CLSTN2: variants seen among roughly 807,000 people sequenced by gnomAD.
The protein encoded by CLSTN2 is calsyntenin 2.
A neutral mutation model predicts 101.2 loss-of-function variants in CLSTN2; 48 were observed. That is an observed-to-expected ratio of 0.47 (90% confidence interval 0.38 to 0.60). CLSTN2 has a LOEUF of 0.60. Ranked by LOEUF, CLSTN2 falls within the 20% of genes least tolerant of loss-of-function variation. The probability of loss-of-function intolerance (pLI) is 0.00; values close to 1 mark genes in which losing one functional copy is unlikely to be tolerated. For synonymous variants in CLSTN2, 481 were observed against 463.6 expected (o/e 1.04, Z -0.48); for missense variants, 1,160 against 1,238.2 (o/e 0.94, Z 0.95).
At chr3:140,160,826 G>A (rs1046688453) in intron 1 of CLSTN2, among the ~76,000 whole-genome samples, 11 of 152,046 alleles carry the variant, frequency 7.2e-5, no homozygotes, top group Non-Finnish European at 1.5e-4. Flanking sequence ...ATACACCCAG[G>A]AACGCTTGGT....
At chr3:140,550,036 C>G (rs1415946734) in intron 10 of CLSTN2, among the ~76,000 whole-genome samples, 1 of 150,836 alleles carries the variant, frequency 6.6e-6, no homozygotes, top group African/African-American at 2.5e-5. Context: ...AGCACAATCC[C>G]TGCCAATTTT....
intron 1 of CLSTN2, among the ~76,000 whole-genome samples, chr3:139,983,043 C>G (rs957049159): frequency 1.3e-5 from 2 of 151,460 alleles, no homozygotes; most frequent in African/African-American, 4.8e-5. Flanking sequence ...TACTTCAAAG[C>G]AGTCACTGAT....
intron 2 of CLSTN2, among the ~76,000 whole-genome samples, chr3:140,270,330 G>C (rs2086730405): frequency 6.6e-6 from 1 of 152,172 alleles, no homozygotes; most frequent in Non-Finnish European, 1.5e-5. Context: ...CAGAGCCTGG[G>C]TTCCACCACA....
chr3:140,418,586 C>T (rs557361769), intron 4 of CLSTN2, among the ~76,000 whole-genome samples: 2 of 148,806 alleles, frequency 1.3e-5, no homozygotes, highest in East Asian at 2.0e-4. Context: ...GGCACGATCT[C>T]GGCTCACTGC....
intron 1 of CLSTN2, among the ~76,000 whole-genome samples, chr3:140,096,230 G>A (rs544401446): frequency 3.1e-4 from 47 of 152,222 alleles, no homozygotes; most frequent in African/African-American, 1.1e-3. Context: ...TCCCCAAACA[G>A]CAGAGGGCAT....
intron 15 of CLSTN2, 23 bp downstream of exon 15, chr3:140,563,226 C>A (rs982160928): frequency 1.2e-6 from 2 of 1,611,634 alleles, no homozygotes; most frequent in East Asian, 4.5e-5. Flanking sequence ...AGAGGAGGGA[C>A]CCTCAGGACA....
intron 1 of CLSTN2, among the ~76,000 whole-genome samples, chr3:140,121,613 A>G (rs1027187500): frequency 1.1e-4 from 17 of 152,206 alleles, no homozygotes; most frequent in African/African-American, 3.9e-4. Flanking sequence ...AGTCCCAGAA[A>G]CAAGGACCAG....
At chr3:140,208,204 ATAGTT>A (rs914138407) in intron 2 of CLSTN2, among the ~76,000 whole-genome samples, 1 of 152,182 alleles carries the variant, frequency 6.6e-6, no homozygotes, top group African/African-American at 2.4e-5. Flanking sequence ...CAATGCTAAT[ATAGTT>A]ATTTCCAAGG....
chr3:140,297,339 G>GA (rs887271289), intron 2 of CLSTN2, among the ~76,000 whole-genome samples: 61 of 152,086 alleles, frequency 4.0e-4, no homozygotes, highest in African/African-American at 1.5e-3. Context: ...AGGATTTTGG[G>GA]AAAAATGGCC....
At chr3:140,442,761 T>C (rs1312066678) in intron 5 of CLSTN2, among the ~76,000 whole-genome samples, 1 of 152,184 alleles carries the variant, frequency 6.6e-6, no homozygotes, top group African/African-American at 2.4e-5. Context: ...AAACATCCTA[T>C]GTATGGCTCC....
chr3:140,545,485 A>C (rs1349659865), intron 9 of CLSTN2, among the ~76,000 whole-genome samples: 1 of 152,178 alleles, frequency 6.6e-6, no homozygotes, highest in African/African-American at 2.4e-5. Flanking sequence ...CTTCCCAGGA[A>C]ACTAGCAAAG....
chr3:140,354,300 C>A (rs1418496727), intron 2 of CLSTN2, among the ~76,000 whole-genome samples: 1 of 152,170 alleles, frequency 6.6e-6, no homozygotes, highest in African/African-American at 2.4e-5. Context: ...AGTGCACCTC[C>A]TGTTTGTTTA....
chr3:139,960,773 C>A (rs1400770584), intron 1 of CLSTN2, among the ~76,000 whole-genome samples: 1 of 152,174 alleles, frequency 6.6e-6, no homozygotes, highest in Non-Finnish European at 1.5e-5. Context: ...CAGCTTCATA[C>A]TTGGGGGCTG....
intron 1 of CLSTN2, among the ~76,000 whole-genome samples, chr3:140,054,363 G>A (rs1404872194): frequency 6.6e-6 from 1 of 152,088 alleles, no homozygotes; most frequent in Non-Finnish European, 1.5e-5. Flanking sequence ...CAATGATAGT[G>A]CCATTCTAGC....
rs1935974925 is a variant in CLSTN2, at chr3:140,563,970, G to C, written c.2492G>C (p.Ser831Thr). 6.2e-7 allele frequency: 1 copy of C among 1,613,854 alleles called. No individual in the cohort carries two copies. Among genetic ancestry groups the C allele is most frequent in the African/African-American group, 1.3e-5 (1 of 74,918 alleles). ...TTTTTCCTTGTTCCAGTGGTCCCAA[G>C]CATTGCCACAGTGGTCATCATCATC... Reference protein sequence around the residue: ...SSIQHSSVVPSIATVVIIISV... With the variant: ...SSIQHSSVVPTIATVVIIISV... The change falls in exon 16 of 17, where the codon AGC (serine) becomes ACC (threonine). Residue 831 changes from serine to threonine, a missense_variant. Transcript: ENST00000458420.
At chr3:140,373,074 TAATA>T (rs2087876174) in intron 2 of CLSTN2, among the ~76,000 whole-genome samples, 2 of 152,178 alleles carry the variant, frequency 1.3e-5, no homozygotes, top group African/African-American at 4.8e-5. Context: ...CCTCTAAAGT[TAATA>T]AATAAATAAT....
chr3:140,155,521 A>C (rs909483765), intron 1 of CLSTN2, among the ~76,000 whole-genome samples: 3 of 152,168 alleles, frequency 2.0e-5, no homozygotes, highest in African/African-American at 7.2e-5. Flanking sequence ...GGGGAACAAT[A>C]AGTTATATCT....
intron 2 of CLSTN2, among the ~76,000 whole-genome samples, chr3:140,297,921 A>T (rs181156589): frequency 6.6e-6 from 1 of 152,390 alleles, no homozygotes; most frequent in East Asian, 1.9e-4. Context: ...TTTACCACTT[A>T]CAATATTGTC....
intron 2 of CLSTN2, among the ~76,000 whole-genome samples, chr3:140,306,749 A>G (rs887955147): frequency 6.6e-6 from 1 of 152,066 alleles, no homozygotes; most frequent in Non-Finnish European, 1.5e-5. Flanking sequence ...CTTTTCCAGA[A>G]AATTCATGAG....
Sources: gnomAD v4.1 joint callset for allele counts (sites outside exome capture counted in the v4.1 genomes callset) on GRCh38, gnomAD v4.1.1 for gene constraint, MANE v1.5 for transcripts, NCBI Gene and HGNC (gene_info 2026-07-23, HGNC 2026-07-21) for gene names.